The following DLGAP2 variants were observed in gnomAD, a reference collection of about 807,000 sequenced individuals.
DLGAP2 encodes DLG associated protein 2.
DLGAP2 carries 26 observed loss-of-function variants against 100.3 expected under a neutral mutation model. That is an observed-to-expected ratio of 0.26 (90% CI 0.19 to 0.36). The LOEUF (loss-of-function observed/expected upper bound fraction) is 0.36. Ranked by LOEUF, DLGAP2 falls within the 10% of genes least tolerant of loss-of-function variation. The pLI, the probability that DLGAP2 is intolerant of heterozygous loss-of-function variation, is 1.00. For synonymous variants in DLGAP2, 886 were observed against 630.1 expected (o/e 1.41, Z -6.08); for missense variants, 1,858 against 1,453.2 (o/e 1.28, Z -4.53).
chr8:1,228,300 G>A (rs1798464506), intron 2 of DLGAP2, among the ~76,000 whole-genome samples: 1 of 152,140 alleles, frequency 6.6e-6, no homozygotes, highest in African/African-American at 2.4e-5. Context: ...AACATGGAAA[G>A]AGATTGAATT....
intron 2 of DLGAP2, among the ~76,000 whole-genome samples, chr8:1,017,656 G>A (rs1418813007): frequency 6.6e-6 from 1 of 152,206 alleles, no homozygotes; most frequent in Non-Finnish European, 1.5e-5. Flanking sequence ...CACCTCCACT[G>A]TGTGTGACCA....
intron 3 of DLGAP2, among the ~76,000 whole-genome samples, chr8:1,331,714 G>C (rs578249608): frequency 1.5e-4 from 23 of 152,194 alleles, no homozygotes; most frequent in Non-Finnish European, 2.9e-4. Context: ...TTATAGAAGG[G>C]TCCTTCCGAC....
chr8:1,270,225 G>C (rs1799552681), intron 3 of DLGAP2, among the ~76,000 whole-genome samples: 1 of 152,154 alleles, frequency 6.6e-6, no homozygotes, highest in South Asian at 2.1e-4. Flanking sequence ...TTGAGAATAT[G>C]AGAGCTGTGA....
intron 1 of DLGAP2, among the ~76,000 whole-genome samples, chr8:744,268 T>C (rs1820559826): frequency 6.6e-6 from 1 of 152,132 alleles, no homozygotes; most frequent in Admixed American, 6.5e-5. Context: ...TTCTCTGTGC[T>C]CTGACTGTTA....
At chr8:1,151,076 C>G (rs909948333) in intron 2 of DLGAP2, among the ~76,000 whole-genome samples, 3 of 152,232 alleles carry the variant, frequency 2.0e-5, no homozygotes, top group African/African-American at 7.2e-5. Flanking sequence ...ACGATGTTAA[C>G]ATTTTGATAT....
intron 3 of DLGAP2, among the ~76,000 whole-genome samples, chr8:1,314,942 C>T (rs946179296): frequency 2.0e-5 from 3 of 152,200 alleles, no homozygotes; most frequent in South Asian, 2.1e-4. Context: ...CCGGGGAAGG[C>T]GCAAGATGCC....
At chr8:1,265,573 G>T (rs774091265) in intron 3 of DLGAP2, among the ~76,000 whole-genome samples, 3 of 152,186 alleles carry the variant, frequency 2.0e-5, no homozygotes, top group Non-Finnish European at 4.4e-5. Flanking sequence ...TTTCCTAGAA[G>T]TGAAGAAATA....
chr8:1,207,300 G>C (rs934419670), intron 2 of DLGAP2, among the ~76,000 whole-genome samples: 2 of 152,140 alleles, frequency 1.3e-5, no homozygotes, highest in Admixed American at 1.3e-4. Context: ...ACATAGCTTA[G>C]CTCCCACTTG....
chr8:1,587,834 G>A (rs926707186), intron 6 of DLGAP2, among the ~76,000 whole-genome samples: 13 of 152,002 alleles, frequency 8.6e-5, no homozygotes, highest in African/African-American at 2.9e-4. Context: ...AAAATACCAT[G>A]ATTTTTTTCC....
At chr8:1,202,798 C>G (rs956911286) in intron 2 of DLGAP2, among the ~76,000 whole-genome samples, 1 of 152,210 alleles carries the variant, frequency 6.6e-6, no homozygotes. Flanking sequence ...TGACAATCAC[C>G]CAAGCCACTG....
chr8:1,582,393 G>A (rs1445076798), intron 6 of DLGAP2, among the ~76,000 whole-genome samples: 3 of 151,648 alleles, frequency 2.0e-5, no homozygotes, highest in South Asian at 2.1e-4. Context: ...ACTTTTCATC[G>A]TAAATGATTC....
chr8:1,112,582 A>G (rs537316576), intron 2 of DLGAP2, among the ~76,000 whole-genome samples: 7 of 152,234 alleles, frequency 4.6e-5, no homozygotes, highest in African/African-American at 1.7e-4. Flanking sequence ...TCTCTTGTAA[A>G]TTTGTTTAAG....
chr8:1,032,486 A>G (rs1802004041), intron 2 of DLGAP2: 2 of 152,296 alleles, frequency 1.3e-5, no homozygotes, highest in South Asian at 2.1e-4. Context: ...TGACCTTGAC[A>G]TGCTGACATG....
chr8:1,579,126 T>G (rs955150231), intron 6 of DLGAP2, among the ~76,000 whole-genome samples: 2 of 152,222 alleles, frequency 1.3e-5, no homozygotes, highest in Non-Finnish European at 2.9e-5. Context: ...GGCCTTTGCT[T>G]TTTTTTCTGC....
At chr8:859,718 T>C (rs1332859756) in intron 1 of DLGAP2, among the ~76,000 whole-genome samples, 1 of 152,154 alleles carries the variant, frequency 6.6e-6, no homozygotes, top group Non-Finnish European at 1.5e-5. Flanking sequence ...AATTCTGGAT[T>C]TGCTGCATTC....
At chr8:1,312,992 C>T (rs113347619) in intron 3 of DLGAP2, among the ~76,000 whole-genome samples, 7 of 152,346 alleles carry the variant, frequency 4.6e-5, no homozygotes, top group African/African-American at 1.7e-4. Context: ...TAGCAAGATG[C>T]AGAACCCCAG....
At chr8:1,695,286 AGG>A (rs1349224485) in intron 13 of DLGAP2, among the ~76,000 whole-genome samples, 1 of 139,772 alleles carries the variant, frequency 7.2e-6, no homozygotes. Context: ...CTACAGAAAG[AGG>A]GGGCACAGTC....
intron 3 of DLGAP2, among the ~76,000 whole-genome samples, chr8:1,414,055 G>A (rs117894190): frequency 6.6e-6 from 1 of 152,182 alleles, no homozygotes; most frequent in Admixed American, 6.5e-5. Context: ...TAGGAATTCT[G>A]CTTTTTCCTC....
At chr8:975,016 G>A (rs1199553027) in intron 2 of DLGAP2, among the ~76,000 whole-genome samples, 3 of 152,134 alleles carry the variant, frequency 2.0e-5, no homozygotes, top group Non-Finnish European at 4.4e-5. Context: ...AAGAAAAAAG[G>A]GAGAGAAGAT....
Sources: allele counts gnomAD v4.1 joint callset (sites outside exome capture counted in the v4.1 genomes callset), GRCh38; gene constraint gnomAD v4.1.1; transcripts MANE v1.5; gene names NCBI Gene and HGNC (gene_info 2026-07-23, HGNC 2026-07-21).